ITGAE: variants seen among roughly 807,000 people sequenced by gnomAD.
The protein encoded by ITGAE is integrin alpha-E.
ITGAE carries 99 observed loss-of-function variants against 136.5 expected under a neutral mutation model. The observed-to-expected ratio is 0.73, with a 90% CI of 0.62 to 0.86. The LOEUF (loss-of-function observed/expected upper bound fraction) is 0.86. Ranked by LOEUF, ITGAE falls within the 40% of genes least tolerant of loss-of-function variation. The pLI is 0.00. For missense variants in ITGAE, 1,447 were observed against 1,515.3 expected (o/e 0.95, Z 0.75); for synonymous variants, 613 against 591.8 (o/e 1.04, Z -0.52).
At chr17:3,777,791 T>A (rs1400675907) in intron 1 of ITGAE, 131 bp from the exon 2 acceptor site, 22 of 1,093,196 alleles carry the variant, frequency 2.0e-5, no homozygotes, top group Non-Finnish European at 2.7e-5. Flanking sequence ...TATGTGTGTG[T>A]GAGAGAGAAA....
At position 3,757,141 on chromosome 17, in the gene ITGAE, A is replaced by G. The variant is rs777659689; in HGVS notation, c.1021-7T>C. On this transcript the variant is annotated splice_polypyrimidine_tract_variant and splice_region_variant and intron_variant, in intron 9 of 30. Transcript: ENST00000263087. ...TCTTAAATTCTTCTCCCACCTGCAC[A>G]GACAGCCTGGGTCAGCGAGTCAGCG... The G allele has an allele frequency of 1.2e-6, 2 of 1,613,490 alleles. No individual in the cohort carries two copies. The highest frequency in any genetic ancestry group is 2.7e-5 in the African/African-American group (2 of 75,022).
chr17:3,761,095 G>A lies in ITGAE; in HGVS notation c.516C>T (p.Asn172=). The change falls in exon 6 of 31, where the codon AAC becomes AAT. Residue 172 remains asparagine (N), a synonymous_variant. Transcript: ENST00000263087. ...NKEGGGEDDV[N]TARQRRALEK... Reference sequence around the variant, plus strand: ...CCAGAGCCCGGCGCTGCCTGGCTGTGTTCACATCGTCTTCTCCACCGCCTT... The same window carrying A: ...CCAGAGCCCGGCGCTGCCTGGCTGTATTCACATCGTCTTCTCCACCGCCTT... 6.2e-7 allele frequency: 1 copy of A among 1,612,578 alleles called. No homozygotes were observed. Among genetic ancestry groups the A allele is most frequent in the Non-Finnish European group, 8.5e-7 (1 of 1,179,998 alleles).
chr17:3,732,692 G>T (rs187497762), intron 21 of ITGAE, among the ~76,000 whole-genome samples: 13 of 152,328 alleles, frequency 8.5e-5, no homozygotes, highest in Admixed American at 8.5e-4. Flanking sequence ...TCGAAGGGGT[G>T]CTTCTGTGAG....
Position 3,796,121 on chromosome 17 carries a change from C to A in ITGAE, c.34+4990G>T, listed in dbSNP as rs80153256. Among the ~76,000 whole-genome samples the A allele has an allele frequency of 3.6e-4, 48 of 131,720 alleles. 2 individuals are homozygous for A. Among genetic ancestry groups the A allele is most frequent in the African/African-American group, 9.8e-4 (34 of 34,582 alleles). The allele number at this position is 131,720 out of a possible 152,430, so 86.4% of individuals were successfully genotyped here. A position where few individuals can be genotyped will look rare whatever the true frequency, so the allele number is the denominator to read the frequency against. ...TGTGTGTGCATCCCTGTGTGCATCC[C>A]TGTGTGTGCATCCATGTGTGTGCAT... On this transcript the variant is annotated intron_variant, in intron 1 of 30. Transcript: ENST00000263087.
At chr17:3,792,368 T>C (rs1305881090) in intron 1 of ITGAE, among the ~76,000 whole-genome samples, 1 of 152,128 alleles carries the variant, frequency 6.6e-6, no homozygotes, top group African/African-American at 2.4e-5. Flanking sequence ...CCGCCCGCCT[T>C]GGCCTCCCAA....
intron 2 of ITGAE, among the ~76,000 whole-genome samples, chr17:3,766,284 C>T (rs2052296689): frequency 6.6e-6 from 1 of 152,154 alleles, no homozygotes; most frequent in South Asian, 2.1e-4. Context: ...CCAGTGTAAT[C>T]ACAAAAGTCC....
intron 1 of ITGAE, among the ~76,000 whole-genome samples, chr17:3,796,130 C>A (rs1311078559): frequency 6.4e-5 from 2 of 31,352 alleles, no homozygotes; most frequent in African/African-American, 1.9e-4. Context: ...CCTGTGTGTG[C>A]ATCCATGTGT....
rs2052038488 is a variant in ITGAE at position 3,756,872 on chromosome 17, G to A, written c.1171+112C>T. Reference sequence around the variant, plus strand: ...CCTTTTTAGACATGGAAGAGCTGAGGTTCAGGGAGATGATGGGAGTTGCTC... The same window carrying A: ...CCTTTTTAGACATGGAAGAGCTGAGATTCAGGGAGATGATGGGAGTTGCTC... On this transcript the variant is annotated intron_variant, in intron 10 of 30. Transcript: ENST00000263087. The A allele has an allele frequency of 2.5e-6, 3 of 1,182,038 alleles. No homozygotes were observed. The South Asian group carries it at 4.4e-5, about 17-fold the overall frequency. 73.2% of individuals were successfully genotyped at this position (1,182,038 alleles called of 1,614,324 possible).
At chr17:3,779,220 A>G (rs2052609568) in intron 1 of ITGAE, among the ~76,000 whole-genome samples, 1 of 152,220 alleles carries the variant, frequency 6.6e-6, no homozygotes, top group Non-Finnish European at 1.5e-5. Flanking sequence ...TGTGCATGTC[A>G]CTGTATGTAA....
At chr17:3,749,226 G>C (rs952466739) in intron 16 of ITGAE, among the ~76,000 whole-genome samples, 1 of 151,634 alleles carries the variant, frequency 6.6e-6, no homozygotes, top group African/African-American at 2.4e-5. Context: ...TTGGGGGAAT[G>C]AAGGGTGGGG....
At chr17:3,723,444 T>C (rs1294327809) in intron 27 of ITGAE, 61 bp from the exon 28 acceptor site, 2 of 1,266,114 alleles carry the variant, frequency 1.6e-6, no homozygotes, top group Non-Finnish European at 2.3e-6. Flanking sequence ...GAAATCTTTT[T>C]AACACTTCGG....
At chr17:3,746,541 C>T (rs557879886) in intron 17 of ITGAE, among the ~76,000 whole-genome samples, 2 of 152,070 alleles carry the variant, frequency 1.3e-5, no homozygotes, top group Admixed American at 6.6e-5. Context: ...CTGCAAGCTC[C>T]GCCTCCCGGG....
At chr17:3,767,771 A>G (rs190395411) in intron 2 of ITGAE, among the ~76,000 whole-genome samples, 2 of 152,064 alleles carry the variant, frequency 1.3e-5, no homozygotes, top group Admixed American at 1.3e-4. Flanking sequence ...TACAGGAGCG[A>G]GTTACCTTGC....
At chr17:3,780,878 A>T (rs1018602905) in intron 1 of ITGAE, among the ~76,000 whole-genome samples, 14 of 151,896 alleles carry the variant, frequency 9.2e-5, no homozygotes, top group African/African-American at 2.9e-4. Context: ...TTTTTAAAAA[A>T]TTTTTTGTAG....
chr17:3,743,842 A>T (rs2051649002), intron 18 of ITGAE, among the ~76,000 whole-genome samples: 1 of 150,516 alleles, frequency 6.6e-6, no homozygotes, highest in Admixed American at 6.6e-5. Context: ...AGCTGGGATG[A>T]CAGGTGTGTG....
In ITGAE at chr17:3,725,224, G is replaced by C. The variant is rs769811678; in HGVS notation, c.3085-1480C>G. 6.2e-7 allele frequency: 1 copy of C among 1,614,082 alleles called. No homozygotes were observed. Among genetic ancestry groups the C allele is most frequent in the Non-Finnish European group, 8.5e-7 (1 of 1,180,040 alleles). On this transcript the variant is annotated intron_variant, in intron 26 of 30. Transcript: ENST00000263087. ...AACCGGCCTGTCATGAACAGAACAA[G>C]TGGTGCTCCGTCCTCTTGGCACTCC...
At chr17:3,753,063 CA>C (rs1567533672) in intron 14 of ITGAE, among the ~76,000 whole-genome samples, 1 of 151,962 alleles carries the variant, frequency 6.6e-6, no homozygotes, top group South Asian at 2.1e-4. Context: ...ACAACAACCA[CA>C]AAAAAAGAGA....
At chr17:3,764,380 CT>C (rs2052243907) in intron 2 of ITGAE, among the ~76,000 whole-genome samples, 1 of 152,174 alleles carries the variant, frequency 6.6e-6, no homozygotes, top group African/African-American at 2.4e-5. Flanking sequence ...GCTGGTGCCC[CT>C]ATCCTGTGGG....
intron 2 of ITGAE, among the ~76,000 whole-genome samples, chr17:3,774,159 C>G (rs1394660943): frequency 1.3e-5 from 2 of 151,038 alleles, no homozygotes; most frequent in Non-Finnish European, 3.0e-5. Flanking sequence ...AACCCTGGCT[C>G]CTCACCTGGC....
Sources: gnomAD v4.1 joint callset for allele counts (sites outside exome capture counted in the v4.1 genomes callset) on GRCh38, gnomAD v4.1.1 for gene constraint, MANE v1.5 for transcripts, NCBI Gene and HGNC (gene_info 2026-07-23, HGNC 2026-07-21) for gene names.